Variants in NEGR1 observed in about 807,000 individuals in gnomAD.
The protein encoded by NEGR1 is IgLON family member 4.
NEGR1 carries 10 observed loss-of-function variants against 40.9 expected under a neutral mutation model. The observed-to-expected ratio is 0.24, with a 90% CI of 0.15 to 0.42. NEGR1 has a LOEUF of 0.42. NEGR1 is among the 10% of genes least tolerant of loss of function. The pLI is 1.00. For synonymous variants in NEGR1, 185 were observed against 166.8 expected (o/e 1.11, Z -0.84); for missense variants, 352 against 438.9 (o/e 0.80, Z 1.77).
intron 1 of NEGR1, among the ~76,000 whole-genome samples, chr1:72,187,335 T>C (rs1652648541): frequency 1.3e-5 from 2 of 151,524 alleles, no homozygotes; most frequent in African/African-American, 4.8e-5. Flanking sequence ...TCCTAGAAAA[T>C]ATTTATTGAA....
chr1:71,943,920 G>A (rs1457574989), intron 1 of NEGR1, among the ~76,000 whole-genome samples: 5 of 152,140 alleles, frequency 3.3e-5, no homozygotes, highest in African/African-American at 1.2e-4. Context: ...ATTGATAAAT[G>A]AAGCAAAGAA....
At chr1:71,956,027 G>T (rs533496927) in intron 1 of NEGR1, among the ~76,000 whole-genome samples, 1 of 152,038 alleles carries the variant, frequency 6.6e-6, no homozygotes, top group East Asian at 1.9e-4. Flanking sequence ...TGTGTTTACC[G>T]GTAAACCAGG....
chr1:72,046,633 GACAA>G (rs1647004718), intron 1 of NEGR1, among the ~76,000 whole-genome samples: 1 of 151,520 alleles, frequency 6.6e-6, no homozygotes, highest in South Asian at 2.1e-4. Context: ...GACCATTAAA[GACAA>G]ACAAATCTAA....
chr1:72,182,173 T>C (rs1476149286), intron 1 of NEGR1, among the ~76,000 whole-genome samples: 2 of 152,322 alleles, frequency 1.3e-5, no homozygotes, highest in Admixed American at 6.5e-5. Flanking sequence ...GTTGTATACC[T>C]TAAATATACA....
chr1:71,658,304 T>C (rs553710915), intron 4 of NEGR1, among the ~76,000 whole-genome samples: 2 of 152,352 alleles, frequency 1.3e-5, no homozygotes, highest in East Asian at 1.9e-4. Context: ...TGTATGATTA[T>C]ATTCTAAATA....
intron 1 of NEGR1, among the ~76,000 whole-genome samples, chr1:72,078,635 ATATT>A (rs1557515686): frequency 1.4e-5 from 2 of 147,192 alleles, no homozygotes; most frequent in African/African-American, 2.5e-5. Context: ...ATATATATAT[ATATT>A]TATTTATTTT....
chr1:71,917,766 C>A (rs930065494), intron 2 of NEGR1, among the ~76,000 whole-genome samples: 24 of 131,764 alleles, frequency 1.8e-4, no homozygotes, highest in Non-Finnish European at 3.1e-5. Context: ...GGCGACAGAG[C>A]GAGACTCCGT....
At chr1:72,021,680 TACTC>T (rs993914487) in intron 1 of NEGR1, among the ~76,000 whole-genome samples, 2 of 152,138 alleles carry the variant, frequency 1.3e-5, no homozygotes, top group African/African-American at 4.8e-5. Context: ...TCAAAAAACT[TACTC>T]AAAAAGTGGA....
chr1:71,768,084 A>G (rs182880664), intron 3 of NEGR1, among the ~76,000 whole-genome samples: 5 of 152,204 alleles, frequency 3.3e-5, no homozygotes, highest in Admixed American at 2.6e-4. Flanking sequence ...TTCATGAATA[A>G]CTCTATTGGG....
intron 3 of NEGR1, among the ~76,000 whole-genome samples, chr1:71,771,743 T>A (rs958111663): frequency 8.6e-6 from 1 of 116,466 alleles, no homozygotes; most frequent in East Asian, 2.6e-4. Context: ...CACGAGTTCA[T>A]GCCATAAAAA....
At chr1:72,229,294 A>C (rs1654282720) in intron 1 of NEGR1, among the ~76,000 whole-genome samples, 1 of 150,722 alleles carries the variant, frequency 6.6e-6, no homozygotes, top group African/African-American at 2.4e-5. Flanking sequence ...GGTTTACAGT[A>C]ATGTAATTAC....
chr1:72,118,544 A>C (rs776037842), intron 1 of NEGR1, among the ~76,000 whole-genome samples: 3 of 151,788 alleles, frequency 2.0e-5, no homozygotes, highest in Non-Finnish European at 4.4e-5. Context: ...TGATCCTGGA[A>C]GACAGTCAGT....
Position 72,203,153 on chromosome 1 carries a change from T to C in NEGR1, c.176+79166A>G, listed in dbSNP as rs1321924783. Reference sequence around the variant, plus strand: ...ATCTTATAATTTAAGAAATACATTTTGCAAGGCTATAGATGTCATAGACAG... The same window carrying C: ...ATCTTATAATTTAAGAAATACATTTCGCAAGGCTATAGATGTCATAGACAG... On this transcript the variant is annotated intron_variant, in intron 1 of 6. Transcript: ENST00000357731. Among the ~76,000 whole-genome samples, 3 of 152,096 alleles carry C rather than the reference T, an allele frequency of 2.0e-5. No individual in the cohort carries two copies. The East Asian group carries it at 5.8e-4, about 29-fold the overall frequency.
chr1:71,642,929 G>A (rs1273626335), intron 4 of NEGR1, among the ~76,000 whole-genome samples: 1 of 151,908 alleles, frequency 6.6e-6, no homozygotes, highest in East Asian at 1.9e-4. Context: ...GGGCCTGTAA[G>A]TATTACTGAG....
intron 1 of NEGR1, among the ~76,000 whole-genome samples, chr1:72,233,506 C>T (rs1437651954): frequency 6.6e-6 from 1 of 151,936 alleles, no homozygotes; most frequent in African/African-American, 2.4e-5. Context: ...CTATGTGTAC[C>T]CAACACTTAC....
chr1:72,111,095 CACACACACACACACACGTATATATAT>C (rs1171373243), intron 1 of NEGR1, among the ~76,000 whole-genome samples: 3 of 150,972 alleles, frequency 2.0e-5, no homozygotes, highest in Non-Finnish European at 4.4e-5. Flanking sequence ...TACACACACA[CACACACACACACACACGTATATATAT>C]ACACACACAC....
At chr1:71,701,130 G>A (rs1018102604) in intron 3 of NEGR1, among the ~76,000 whole-genome samples, 1 of 151,996 alleles carries the variant, frequency 6.6e-6, no homozygotes, top group Non-Finnish European at 1.5e-5. Context: ...AGAATTGAAG[G>A]ATAATAAATT....
Position 72,106,383 on chromosome 1 carries a change from T to A in NEGR1, c.177-171072A>T, listed in dbSNP as rs550337905. ...ACCCAGGGACATGCAAAATGAAAATTTCACTGTCCACTTCCCCAAAGTTCT... is the reference window on the plus strand; with the variant it reads ...ACCCAGGGACATGCAAAATGAAAATATCACTGTCCACTTCCCCAAAGTTCT... On this transcript the variant is annotated intron_variant, in intron 1 of 6. Transcript: ENST00000357731. Among the ~76,000 whole-genome samples, 6 of 152,100 alleles carry A rather than the reference T, an allele frequency of 3.9e-5. No homozygotes were observed. The South Asian group carries it at 1.2e-3, about 32-fold the overall frequency.
intron 1 of NEGR1, among the ~76,000 whole-genome samples, chr1:72,233,529 A>G (rs1476772374): frequency 1.3e-5 from 2 of 152,088 alleles, no homozygotes; most frequent in Non-Finnish European, 2.9e-5. Context: ...CATGCTTATA[A>G]GTAAAAAAAT....
Sources: allele counts gnomAD v4.1 joint callset (sites outside exome capture counted in the v4.1 genomes callset), GRCh38; gene constraint gnomAD v4.1.1; transcripts MANE v1.5; gene names NCBI Gene and HGNC (gene_info 2026-07-23, HGNC 2026-07-21).